The following ACSL5 variants were observed in gnomAD, a reference collection of about 807,000 sequenced individuals.
The protein encoded by ACSL5 is acyl-CoA synthetase long chain family member 5.
ACSL5 carries 50 observed loss-of-function variants against 84.9 expected under a neutral mutation model. The observed-to-expected ratio is 0.59, with a 90% CI of 0.47 to 0.75. ACSL5 has a LOEUF of 0.75. Among genes scored for constraint, ACSL5 ranks in the 30% least tolerant of loss-of-function variants. ACSL5 has a pLI of 0.00. For missense variants in ACSL5, 775 were observed against 830.4 expected, an observed-to-expected ratio of 0.93 and a Z score of 0.82; for synonymous variants, 280 against 300.7, an observed-to-expected ratio of 0.93 and a Z score of 0.71.
At chr10:112,412,283 C>T (rs1487145680) in intron 11 of ACSL5, 8 of 309,380 alleles carry the variant, frequency 2.6e-5, no homozygotes, top group Non-Finnish European at 1.2e-5. Context: ...TCTGAGCTGA[C>T]ACAAGACATT....
intron 12 of ACSL5, 57 bp downstream of exon 12, chr10:112,413,364 T>C (rs1844231372): frequency 1.3e-6 from 2 of 1,589,470 alleles, no homozygotes; most frequent in Non-Finnish European, 1.7e-6. Flanking sequence ...GAAGGAACTC[T>C]GTACTACTAT....
At chr10:112,422,967 T>A (rs548324734) in intron 17 of ACSL5, among the ~76,000 whole-genome samples, 2 of 148,320 alleles carry the variant, frequency 1.3e-5, no homozygotes, top group Non-Finnish European at 3.0e-5. Flanking sequence ...GGCGGGCGGA[T>A]CACAAGGTCA....
chr10:112,399,419 A>G (rs1564735533), intron 3 of ACSL5, among the ~76,000 whole-genome samples: 1 of 152,228 alleles, frequency 6.6e-6, no homozygotes, highest in Non-Finnish European at 1.5e-5. Context: ...GCATTTACAG[A>G]TAGACAATCT....
chr10:112,408,479 G>T lies in ACSL5; in HGVS notation c.490G>T (p.Asp164Tyr). 6.2e-7 allele frequency: 1 copy of T among 1,613,678 alleles called. No homozygotes were observed. The highest frequency in any genetic ancestry group is 1.1e-5 in the South Asian group (1 of 91,058). The change falls in exon 6 of 21, where the codon GAC (aspartate) becomes TAC (tyrosine). Residue 164 changes from aspartate to tyrosine, a missense_variant. Physicochemically the swap from Asp to Tyr is radical, Grantham distance 160 (BLOSUM62 -3). Coordinates refer to ENST00000354655, the MANE Select transcript of ACSL5 (RefSeq NM_203379.2). ...CTCTATGGTAGCTGTACCTCTGTAT[G>T]ACACCTTGGGACCAGAAGCCATCGT... is the stretch of plus-strand genomic sequence containing the variant. ...TYSMVAVPLY[D>Y]TLGPEAIVHI... is the part of the protein sequence containing the mutation.
intron 1 of ACSL5, among the ~76,000 whole-genome samples, chr10:112,387,352 T>C (rs1218535334): frequency 2.6e-5 from 4 of 152,220 alleles, no homozygotes; most frequent in Non-Finnish European, 5.9e-5. Flanking sequence ...ACACACCTGG[T>C]TCACGTTCAT....
At position 112,404,544 on chromosome 10, in the gene ACSL5, A is replaced by T. The variant is rs777710445; in HGVS notation, c.299A>T (p.Asn100Ile). 6.2e-7 allele frequency: 1 copy of T among 1,613,780 alleles called. No homozygotes were observed. The highest frequency in any genetic ancestry group is 1.3e-5 in the African/African-American group (1 of 74,928). ...NGPCLGYRKPNQPYRWLSYKQ... is the reference protein window; with the variant it reads ...NGPCLGYRKPIQPYRWLSYKQ... Reference sequence around the variant, plus strand: ...CCCTGCTTGGGATATAGAAAACCAAACCAGCCCTACAGATGGCTATCTTAC... The same window carrying T: ...CCCTGCTTGGGATATAGAAAACCAATCCAGCCCTACAGATGGCTATCTTAC... Residue 100 changes from asparagine to isoleucine, a missense_variant, in exon 4 of 21, where the codon AAC (asparagine) becomes ATC (isoleucine). Physicochemically the swap from Asn to Ile is moderately radical, Grantham distance 149. Transcript: ENST00000354655.
chr10:112,376,982 GGAAAGGGA>G (rs1217194491), intron 1 of ACSL5, among the ~76,000 whole-genome samples: 5 of 87,376 alleles, frequency 5.7e-5, no homozygotes, highest in African/African-American at 1.9e-4. Flanking sequence ...AGTAAGCACT[GGAAAGGGA>G]CTCTACCACT....
chr10:112,381,593 T>C (rs1281598648), intron 1 of ACSL5, among the ~76,000 whole-genome samples: 1 of 144,344 alleles, frequency 6.9e-6, no homozygotes, highest in Non-Finnish European at 1.5e-5. Context: ...GCTTGAGCCC[T>C]GGAGGCGGAG....
At chr10:112,391,415 C>T (rs968945408) in intron 1 of ACSL5, among the ~76,000 whole-genome samples, 4 of 152,080 alleles carry the variant, frequency 2.6e-5, no homozygotes, top group Non-Finnish European at 5.9e-5. Context: ...TTCTGTGCAC[C>T]TCCTACTTGA....
chr10:112,380,335 A>G (rs572388081), intron 1 of ACSL5, among the ~76,000 whole-genome samples: 2 of 152,168 alleles, frequency 1.3e-5, no homozygotes, highest in Non-Finnish European at 2.9e-5. Context: ...CAACTGGCCA[A>G]TGTCTGGCCC....
At chr10:112,408,779 G>A in intron 6 of ACSL5, 1 of 403,080 alleles carries the variant, frequency 2.5e-6, no homozygotes, top group South Asian at 2.6e-5. Context: ...ATGATATAGA[G>A]ACAAGACTAC....
In ACSL5 at chr10:112,421,634, T is replaced by A. The variant is rs1286507067; in HGVS notation, c.1356T>A (p.Cys452Ter). ...GTCAAACAGAATGCACAGGTGGCTG[T>A]ACATTTACATTACCTGGGGACTGGA... is the stretch of plus-strand genomic sequence containing the variant. ...AYGQTECTGG[C>*]TFTLPGDWTS... is the part of the protein sequence containing the mutation. The change falls in exon 15 of 21, where the codon TGT becomes TGA. Residue 452 changes from cysteine (C) to a stop codon, truncating the protein, a stop_gained. Coordinates refer to ENST00000354655, the MANE Select transcript of ACSL5 (RefSeq NM_203379.2). LOFTEE classifies it high-confidence loss of function. 1.2e-6 allele frequency: 2 copies of A among 1,614,166 alleles called. No individual in the cohort carries two copies. Among genetic ancestry groups the A allele is most frequent in the Admixed American group, 3.3e-5 (2 of 60,034 alleles).
chr10:112,395,234 A>C, intron 2 of ACSL5, 132 bp downstream of exon 2: 1 of 873,018 alleles, frequency 1.1e-6, no homozygotes, highest in South Asian at 1.8e-5. Flanking sequence ...ACCAATCAAC[A>C]GGCAATATAC....
At chr10:112,420,166 C>T (rs1844422671) in intron 14 of ACSL5, among the ~76,000 whole-genome samples, 1 of 152,154 alleles carries the variant, frequency 6.6e-6, no homozygotes, top group Non-Finnish European at 1.5e-5. Context: ...ACCAATAGAT[C>T]AGCAGGTCCT....
rs143258757 is a variant in ACSL5 at position 112,382,938 on chromosome 10, C to T, written c.-30+8669C>T. Among the ~76,000 whole-genome samples, 944 of 152,260 alleles carry T rather than the reference C, an allele frequency of 6.2e-3. 11 individuals carry two copies. Among genetic ancestry groups the T allele is most frequent in the African/African-American group, 0.021 (889 of 41,546 alleles). On this transcript the variant is annotated intron_variant, in intron 1 of 20. Coordinates refer to ENST00000354655, the MANE Select transcript of ACSL5 (RefSeq NM_203379.2). ...GGGCTCCCTTTGGTAATGCTGTCTC[C>T]CTGCTCTGTCCACCACCTCTCGGCG...
rs77188789 is a variant in ACSL5 at position 112,376,496 on chromosome 10, G to A, written c.-30+2227G>A. On this transcript the variant is annotated intron_variant, in intron 1 of 20. Transcript: ENST00000354655. ...GTTATTCAGCAAGGGGGTCTTGTGA[G>A]GGTGTGACAGAGGCCAAGGGGGCAT... 1.2e-3 allele frequency: 1,906 copies of A among 1,612,224 alleles called. 17 individuals carry two copies. In the African/African-American group the frequency reaches 0.023, roughly 19 times the overall value.
Position 112,416,958 on chromosome 10 carries a change from A to G in ACSL5, c.1154A>G (p.Glu385Gly). Residue 385 changes from glutamate (E) to glycine (G), a missense_variant, in exon 13 of 21, where the codon GAG (glutamate) becomes GGG (glycine). By Grantham distance (98) the Glu-to-Gly change is moderately conservative. Transcript: ENST00000354655. ...LKLAVSSKFK[E>G]LQKGIIRHDS... The stretch of plus-strand genomic sequence containing the variant: ...CTGGCTGTTTCCAGTAAATTCAAAG[A>G]GCTTCAAAAGGGTATCATCAGGCAT... 2 of 1,614,122 alleles carry G rather than the reference A, an allele frequency of 1.2e-6. No individual in the cohort carries two copies. The highest frequency in any genetic ancestry group is 1.7e-6 in the Non-Finnish European group (2 of 1,180,014).
At chr10:112,382,959 C>T (rs1166944005) in intron 1 of ACSL5, among the ~76,000 whole-genome samples, 1 of 152,186 alleles carries the variant, frequency 6.6e-6, no homozygotes, top group Non-Finnish European at 1.5e-5. Flanking sequence ...CACCACCTCT[C>T]GGCGGAGATG....
rs757813448 is a variant in ACSL5 at position 112,426,325 on chromosome 10, T to G, written c.1805T>G (p.Val602Gly). Residue 602 changes from valine (V) to glycine (G), a missense_variant, in exon 19 of 21, where the codon GTG (valine) becomes GGG (glycine). Transcript: ENST00000354655. The part of the protein sequence containing the change: ...VLPSFAAKLG[V>G]KGSFEELCQN... ...CCCTCATTTGCAGCCAAGCTTGGGG[T>G]GAAGGGCTCCTTTGAGGAACTGTGC... The G allele has an allele frequency of 5.6e-6, 9 of 1,614,090 alleles. No individual in the cohort carries two copies. Among genetic ancestry groups the G allele is most frequent in the Non-Finnish European group, 7.6e-6 (9 of 1,180,000 alleles).
Sources: gnomAD v4.1 joint callset for allele counts (sites outside exome capture counted in the v4.1 genomes callset) on GRCh38, gnomAD v4.1.1 for gene constraint, MANE v1.5 for transcripts, NCBI Gene and HGNC (gene_info 2026-07-23, HGNC 2026-07-21) for gene names.